PDE9A: variants seen among roughly 807,000 people sequenced by gnomAD.
The protein encoded by PDE9A is high affinity cGMP-specific 3',5'-cyclic phosphodiesterase 9A.
PDE9A carries 60 observed loss-of-function variants against 87.4 expected under a neutral mutation model. The observed-to-expected ratio is 0.69, with a 90% CI of 0.56 to 0.85. The LOEUF (loss-of-function observed/expected upper bound fraction) is 0.85. Ranked by LOEUF, PDE9A falls within the 40% of genes least tolerant of loss-of-function variation. PDE9A has a pLI of 0.00. For synonymous variants in PDE9A, 272 were observed against 279.4 expected, an observed-to-expected ratio of 0.97 and a Z score of 0.27; for missense variants, 665 against 779.0, an observed-to-expected ratio of 0.85 and a Z score of 1.74.
chr21:42,734,480 T>TTAGGAACTAAATAAACAGAATCCAGA (rs1358813557), intron 7 of PDE9A: 5 of 152,262 alleles, frequency 3.3e-5, no homozygotes, highest in Admixed American at 6.5e-5. Flanking sequence ...ATTTACCAAC[T>TTAGGAACTAAATAAACAGAATCCAGA]TAGGAACTAA....
intron 4 of PDE9A, among the ~76,000 whole-genome samples, chr21:42,717,900 G>GGGTTTTTTGTTT (rs61523493): frequency 0.65 from 98,636 of 150,790 alleles, 33,668 homozygotes; most frequent in East Asian, 0.92. Flanking sequence ...CTTTCTTTGG[G>GGGTTTTTTGTTT]GTTTGTTTGT....
At chr21:42,709,535 G>C (rs1334874834) in intron 4 of PDE9A, among the ~76,000 whole-genome samples, 1 of 152,180 alleles carries the variant, frequency 6.6e-6, no homozygotes, top group African/African-American at 2.4e-5. Flanking sequence ...CATCACCCTA[G>C]AAAAATGTCC....
At chr21:42,765,245 G>A in intron 14 of PDE9A, 136 bp from the exon 15 acceptor site, 1 of 584,610 alleles carries the variant, frequency 1.7e-6, no homozygotes. Context: ...CAAATGGATG[G>A]GTGATGGATG....
Position 42,696,869 on chromosome 21 carries a change from C to T in PDE9A, c.219-2099C>T, listed in dbSNP as rs981602504. Among the ~76,000 whole-genome samples the T allele has an allele frequency of 2.0e-5, 3 of 152,178 alleles. No homozygotes were observed. Among genetic ancestry groups the T allele is most frequent in the South Asian group, 2.1e-4 (1 of 4,826 alleles). On this transcript the variant is annotated intron_variant, in intron 3 of 19. Coordinates refer to ENST00000291539, the MANE Select transcript of PDE9A (RefSeq NM_002606.3). The surrounding 1 kb of genome is among the most constrained non-coding windows in gnomAD (Gnocchi z 5.1). ...GCTAGAGGGGCCCTAGTCCCGATGA[C>T]GACCGAGTGCCCTCTCCACCTGGGG...
intron 1 of PDE9A, among the ~76,000 whole-genome samples, chr21:42,685,149 G>A (rs1475943104): frequency 2.6e-5 from 4 of 152,232 alleles, no homozygotes; most frequent in Non-Finnish European, 5.9e-5. Context: ...GGGCCTCGGC[G>A]TGGCCCGTTC....
chr21:42,662,443 T>TAC (rs1216930762), intron 1 of PDE9A, among the ~76,000 whole-genome samples: 13 of 151,284 alleles, frequency 8.6e-5, no homozygotes, highest in African/African-American at 2.9e-4. Flanking sequence ...AGGACTATGG[T>TAC]ACATACACAC....
At chr21:42,727,077 C>CAA (rs34249348) in intron 4 of PDE9A, among the ~76,000 whole-genome samples, 987 of 81,596 alleles carry the variant, frequency 0.012, 21 homozygotes, top group African/African-American at 0.015. Context: ...TCTATTTCTA[C>CAA]AAAAAAAAAA....
Position 42,760,520 on chromosome 21 carries a change from A to G in PDE9A, c.1002+88A>G. ...CAGGGAGCGGCAGCCCCATCCCACC[A>G]AGAGAGCCACAGGCGTGGGGTCCCC... On this transcript the variant is annotated intron_variant, in intron 12 of 19. Transcript: ENST00000291539. The surrounding 1 kb of genome is among the most constrained non-coding windows in gnomAD (Gnocchi z 5.2). 1 of 816,420 alleles carries G rather than the reference A, an allele frequency of 1.2e-6. No individual in the cohort carries two copies. Among genetic ancestry groups the G allele is most frequent in the Non-Finnish European group, 2.0e-6 (1 of 501,968 alleles). The allele number at this position is 816,420 out of a possible 1,614,324, so 50.6% of individuals were successfully genotyped here.
rs1406898654 is a variant in PDE9A, at chr21:42,733,362, C to T, written c.504C>T (p.Phe168=). 1 of 1,585,056 alleles carries T rather than the reference C, an allele frequency of 6.3e-7. No individual in the cohort carries two copies. The highest frequency in any genetic ancestry group is 8.7e-7 in the Non-Finnish European group (1 of 1,153,468). The change falls in exon 7 of 20, where the codon TTC becomes TTT. Residue 168 remains phenylalanine (F), a synonymous_variant. Coordinates refer to ENST00000291539, the MANE Select transcript of PDE9A (RefSeq NM_002606.3). ...TTTTCTTTTTCATTCCTAGAGCATT[C>T]AAAATCAATGAACTGAAAGCTGAAG... The part of the protein sequence containing the change: ...AQVAEQFSRA[F]KINELKAEVA...
In PDE9A at chr21:42,727,489, A is replaced by ATTTTTTTTTT. The variant is rs58515760; in HGVS notation, c.263-4266_263-4257dup. 5.1e-4 allele frequency among the ~76,000 whole-genome samples: 45 copies of ATTTTTTTTTT among 88,322 alleles called. 3 individuals carry two copies. Among genetic ancestry groups the ATTTTTTTTTT allele is most frequent in the African/African-American group, 7.6e-4 (15 of 19,710 alleles). The allele number at this position is 88,322 out of a possible 152,430, so 57.9% of individuals were successfully genotyped here. The stretch of plus-strand genomic sequence containing the variant: ...CAGGCACATGCCACCACGCCTGGCT[A>ATTTTTTTTTT]TTTTTTTTTTTTTTTTTTTTTTTTG... On this transcript the variant is annotated intron_variant, in intron 4 of 19. Coordinates refer to ENST00000291539, the MANE Select transcript of PDE9A (RefSeq NM_002606.3).
rs573988063 is a variant in PDE9A at position 42,686,473 on chromosome 21, A to G, written c.140+211A>G. 1.9e-3 allele frequency among the ~76,000 whole-genome samples: 294 copies of G among 152,316 alleles called. 1 individual carries two copies. The highest frequency in any genetic ancestry group is 6.8e-3 in the African/African-American group (283 of 41,576). ...CTCCACAGGTGATGGCTGTGTCCAC[A>G]AGGAGGAAACCGTCGGGCTGAATTA... On this transcript the variant is annotated intron_variant, in intron 2 of 19. Transcript: ENST00000291539.
chr21:42,687,359 A>C (rs1026422491), intron 2 of PDE9A, among the ~76,000 whole-genome samples: 5 of 152,230 alleles, frequency 3.3e-5, no homozygotes, highest in African/African-American at 1.2e-4. Flanking sequence ...TCCGTATAGC[A>C]GCCCTGGGAT....
rs147588796 is a variant in PDE9A at position 42,739,790 on chromosome 21, G to T, written c.569-3986G>T. On this transcript the variant is annotated intron_variant, in intron 7 of 19. Coordinates refer to ENST00000291539, the MANE Select transcript of PDE9A (RefSeq NM_002606.3). The surrounding 1 kb of genome is among the most constrained non-coding windows in gnomAD (Gnocchi z 4.1). ...ATGAGCTGGCTTAAAACAGAGCCTT[G>T]TATGGACATGGGAAAAAAATTATAG... 5.3e-4 allele frequency among the ~76,000 whole-genome samples: 81 copies of T among 152,094 alleles called. No homozygotes were observed. Among genetic ancestry groups the T allele is most frequent in the African/African-American group, 1.8e-3 (76 of 41,476 alleles).
At chr21:42,744,480 T>C (rs2053641292) in intron 8 of PDE9A, among the ~76,000 whole-genome samples, 1 of 152,184 alleles carries the variant, frequency 6.6e-6, no homozygotes, top group African/African-American at 2.4e-5. Flanking sequence ...GATATCCACT[T>C]TTAAAGACAG....
intron 8 of PDE9A, among the ~76,000 whole-genome samples, chr21:42,749,539 C>G (rs1333051191): frequency 6.6e-6 from 1 of 152,232 alleles, no homozygotes; most frequent in Non-Finnish European, 1.5e-5. Flanking sequence ...GGTGGCTTTC[C>G]TCTGAAACAT....
rs2052049487 is a variant in PDE9A at position 42,733,436 on chromosome 21, G to A, written c.568+10G>A. ...GAGAAACGCGTGGAATGTGAGTGAC[G>A]TTTCTGTTTCCTTTTTGCTTCTCTG... is the stretch of plus-strand genomic sequence containing the variant. On this transcript the variant is annotated intron_variant, in intron 7 of 19. Coordinates refer to ENST00000291539, the MANE Select transcript of PDE9A (RefSeq NM_002606.3). 5.1e-6 allele frequency: 8 copies of A among 1,553,462 alleles called. No homozygotes were observed. Among genetic ancestry groups the A allele is most frequent in the African/African-American group, 1.4e-5 (1 of 73,672 alleles).
chr21:42,697,287 G>T, intron 3 of PDE9A: 1 of 667,816 alleles, frequency 1.5e-6, no homozygotes, highest in Admixed American at 2.4e-5. Context: ...TCACATTATT[G>T]GTGTTTAAAA....
At chr21:42,740,770 T>TAGAC (rs1374517505) in intron 7 of PDE9A, among the ~76,000 whole-genome samples, 1 of 150,484 alleles carries the variant, frequency 6.6e-6, no homozygotes, top group Non-Finnish European at 1.5e-5. Context: ...GATAGATAGA[T>TAGAC]AGATAGATAG....
rs553798898 is a variant in PDE9A at position 42,653,923 on chromosome 21, G to A, written c.69+40G>A. 1.5e-4 allele frequency: 187 copies of A among 1,256,946 alleles called. No individual in the cohort carries two copies. In the East Asian group the frequency reaches 4.8e-3, roughly 32 times the overall value. 77.9% of individuals were successfully genotyped at this position (1,256,946 alleles called of 1,614,324 possible). On this transcript the variant is annotated intron_variant, in intron 1 of 19. Transcript: ENST00000291539. ...ACCCAGACACCCCCTCCTCCCCCCG[G>A]GTGACAGCGCCGGGGCCGGGCGCGG...
Sources: allele counts gnomAD v4.1 joint callset (sites outside exome capture counted in the v4.1 genomes callset), GRCh38; gene constraint gnomAD v4.1.1; non-coding constraint Gnocchi (gnomAD v3.1); transcripts MANE v1.5; gene names NCBI Gene and HGNC (gene_info 2026-07-23, HGNC 2026-07-21).